Variants in GNG12 observed in about 807,000 individuals in gnomAD.
GNG12 encodes guanine nucleotide-binding protein G(I)/G(S)/G(O) subunit gamma-12.
For missense variants in GNG12, 69 were observed against 83.8 expected (o/e 0.82, Z 0.69); for synonymous variants, 28 against 29.7 (o/e 0.94, Z 0.19).
chr1:67,790,711 G>A (rs1441010779), intron 1 of GNG12, among the ~76,000 whole-genome samples: 2 of 151,456 alleles, frequency 1.3e-5, no homozygotes, highest in Admixed American at 1.3e-4. Flanking sequence ...CCGGGTTCAA[G>A]CAATTCTCCT....
chr1:67,705,636 A>G (rs560988139), intron 3 of GNG12, 60 bp from the exon 4 acceptor site: 1 of 1,562,582 alleles, frequency 6.4e-7, no homozygotes, highest in Non-Finnish European at 8.6e-7. Context: ...ACACTTTCAG[A>G]GCGTATTTGA....
intron 2 of GNG12, among the ~76,000 whole-genome samples, chr1:67,763,120 A>AGAGAGAGAGAG (rs1553157312): frequency 7.9e-5 from 12 of 151,136 alleles, no homozygotes; most frequent in South Asian, 2.1e-4. Context: ...AGAGAGAGAG[A>AGAGAGAGAGAG]ATCAATATGA....
intron 1 of GNG12, among the ~76,000 whole-genome samples, chr1:67,780,483 A>G (rs1485711979): frequency 6.6e-6 from 1 of 152,208 alleles, no homozygotes; most frequent in Non-Finnish European, 1.5e-5. Flanking sequence ...CTGAAGGTTA[A>G]TAATGTGTCT....
At chr1:67,765,999 G>A (rs759686908) in intron 2 of GNG12, among the ~76,000 whole-genome samples, 2 of 152,068 alleles carry the variant, frequency 1.3e-5, no homozygotes, top group Non-Finnish European at 2.9e-5. Flanking sequence ...TGAGCCTTAA[G>A]CCTGGTGGCA....
intron 2 of GNG12, among the ~76,000 whole-genome samples, chr1:67,768,069 G>C (rs901506075): frequency 2.0e-5 from 3 of 152,230 alleles, no homozygotes; most frequent in Admixed American, 6.5e-5. Flanking sequence ...ATGCCACTGT[G>C]CTTGGTCTTC....
intron 2 of GNG12, among the ~76,000 whole-genome samples, chr1:67,709,745 G>A (rs1646270362): frequency 6.8e-6 from 1 of 146,250 alleles, no homozygotes; most frequent in South Asian, 2.1e-4. Context: ...CCTCTGAAAT[G>A]CAACTGAGGA....
chr1:67,760,611 A>C (rs1646597582), intron 2 of GNG12, among the ~76,000 whole-genome samples: 1 of 152,224 alleles, frequency 6.6e-6, no homozygotes, highest in Non-Finnish European at 1.5e-5. Flanking sequence ...GCCTAAAGTC[A>C]AAGCTAATGT....
At chr1:67,769,555 T>C in intron 2 of GNG12, among the ~76,000 whole-genome samples, 1 of 152,144 alleles carries the variant, frequency 6.6e-6, no homozygotes, top group Admixed American at 6.6e-5. Flanking sequence ...CAAGAGAAAC[T>C]ATGTTAGGGT....
intron 1 of GNG12, among the ~76,000 whole-genome samples, chr1:67,782,510 A>G (rs1315051321): frequency 1.3e-5 from 2 of 152,184 alleles, no homozygotes; most frequent in African/African-American, 4.8e-5. Context: ...GTTCATCAGG[A>G]GAAATTCTTT....
At chr1:67,755,488 C>T (rs1266898284) in intron 2 of GNG12, among the ~76,000 whole-genome samples, 3 of 152,190 alleles carry the variant, frequency 2.0e-5, no homozygotes, top group Non-Finnish European at 4.4e-5. Flanking sequence ...GGTGGCTTGT[C>T]CTACTCTTGA....
At chr1:67,778,737 C>T (rs80164615) in intron 1 of GNG12, among the ~76,000 whole-genome samples, 2,460 of 152,198 alleles carry the variant, frequency 0.016, 79 homozygotes, top group African/African-American at 0.056. Flanking sequence ...AAATCTAAGT[C>T]GTTTGCCTCC....
At chr1:67,820,114 C>T (rs1646976653) in intron 1 of GNG12, among the ~76,000 whole-genome samples, 2 of 151,082 alleles carry the variant, frequency 1.3e-5, no homozygotes, top group African/African-American at 4.9e-5. Context: ...ATCAGCCAGG[C>T]ACAGCGGCTC....
rs139519693 is a variant in GNG12 at position 67,817,992 on chromosome 1, G to T, written c.-77+15352C>A. 6.6e-3 allele frequency among the ~76,000 whole-genome samples: 1,006 copies of T among 152,082 alleles called. 6 individuals are homozygous for T. Among genetic ancestry groups the T allele is most frequent in the Admixed American group, 0.011 (166 of 15,280 alleles). ...TGTAGCGATAGGGTTTCACTAGGTT[G>T]CCCAGGCTAGTCTCAAACTCCTGGG... On this transcript the variant is annotated intron_variant, in intron 1 of 3. Transcript: ENST00000370982.
chr1:67,716,521 C>A (rs1461397385), intron 2 of GNG12, among the ~76,000 whole-genome samples: 1 of 152,162 alleles, frequency 6.6e-6, no homozygotes, highest in African/African-American at 2.4e-5. Flanking sequence ...TTCTGTTTGA[C>A]AGATGAAGCA....
intron 1 of GNG12, among the ~76,000 whole-genome samples, chr1:67,808,475 A>G (rs1004452083): frequency 6.6e-6 from 1 of 152,168 alleles, no homozygotes; most frequent in Non-Finnish European, 1.5e-5. Flanking sequence ...TAAAAGAAAT[A>G]AAAGACACAC....
At chr1:67,811,555 C>A (rs539301435) in intron 1 of GNG12, among the ~76,000 whole-genome samples, 8 of 152,278 alleles carry the variant, frequency 5.3e-5, no homozygotes, top group African/African-American at 1.9e-4. Flanking sequence ...CCTGACTTGG[C>A]TATCTTACAT....
intron 2 of GNG12, among the ~76,000 whole-genome samples, chr1:67,714,343 C>T (rs536992715): frequency 6.6e-5 from 10 of 152,212 alleles, no homozygotes; most frequent in East Asian, 3.9e-4. Flanking sequence ...AGGGATTCGC[C>T]GGGGGCATCT....
At chr1:67,712,885 AGCCTGG>A (rs1224167848) in intron 2 of GNG12, among the ~76,000 whole-genome samples, 1 of 150,896 alleles carries the variant, frequency 6.6e-6, no homozygotes, top group Non-Finnish European at 1.5e-5. Flanking sequence ...CCTGCCACCA[AGCCTGG>A]CTAATTTTTG....
chr1:67,726,304 AT>A (rs1226584513), intron 2 of GNG12, among the ~76,000 whole-genome samples: 2 of 152,198 alleles, frequency 1.3e-5, no homozygotes, highest in Non-Finnish European at 2.9e-5. Flanking sequence ...CTCATATTAT[AT>A]TGTGCTTTAT....
Sources: allele counts gnomAD v4.1 joint callset (sites outside exome capture counted in the v4.1 genomes callset), GRCh38; gene constraint gnomAD v4.1.1; transcripts MANE v1.5; gene names NCBI Gene and HGNC (gene_info 2026-07-23, HGNC 2026-07-21).